Variants in POLB observed in about 807,000 individuals in gnomAD.
POLB encodes the protein DNA polymerase beta.
POLB carries 37 observed loss-of-function variants against 52.7 expected under a neutral mutation model. The ratio of observed to expected loss-of-function variants is 0.70; its 90% confidence interval spans 0.54 to 0.92. POLB has a LOEUF of 0.92. Ranked by LOEUF, POLB falls within the 40% of genes least tolerant of loss-of-function variation. POLB has a pLI of 0.00. For synonymous variants in POLB, 138 were observed against 131.3 expected, an observed-to-expected ratio of 1.05 and a Z score of -0.35; for missense variants, 313 against 400.8, an observed-to-expected ratio of 0.78 and a Z score of 1.87.
chr8:42,368,531 T>G (rs1160985876), intron 11 of POLB, among the ~76,000 whole-genome samples: 1 of 152,324 alleles, frequency 6.6e-6, no homozygotes, highest in African/African-American at 2.4e-5. Flanking sequence ...GGTGCTTATA[T>G]CTTGTTTTAC....
At chr8:42,351,265 A>C (rs1348352238) in intron 5 of POLB, among the ~76,000 whole-genome samples, 1 of 152,176 alleles carries the variant, frequency 6.6e-6, no homozygotes, top group Non-Finnish European at 1.5e-5. Flanking sequence ...ATTTGAACCC[A>C]TATCTTCTGA....
At chr8:42,371,272 A>G (rs1329555250) in intron 13 of POLB, among the ~76,000 whole-genome samples, 1 of 152,056 alleles carries the variant, frequency 6.6e-6, no homozygotes, top group East Asian at 1.9e-4. Flanking sequence ...TACAGGCATG[A>G]GCTACCACGC....
intron 3 of POLB, among the ~76,000 whole-genome samples, chr8:42,345,379 G>GT (rs1822547396): frequency 6.6e-6 from 1 of 152,166 alleles, no homozygotes; most frequent in African/African-American, 2.4e-5. Context: ...TGATCCCCAG[G>GT]TGTAGGAACC....
At chr8:42,351,069 C>A (rs1384792126) in intron 5 of POLB, among the ~76,000 whole-genome samples, 1 of 151,898 alleles carries the variant, frequency 6.6e-6, no homozygotes, top group Non-Finnish European at 1.5e-5. Flanking sequence ...GAGAAGAGGT[C>A]TCCCTATGTT....
intron 11 of POLB, among the ~76,000 whole-genome samples, chr8:42,367,037 AAGAG>A (rs1824084199): frequency 6.6e-6 from 1 of 152,152 alleles, no homozygotes; most frequent in Non-Finnish European, 1.5e-5. Context: ...AAGGGATAGA[AAGAG>A]AGAGGATGGT....
Position 42,362,594 on chromosome 8 carries a change from C to G in POLB, c.622-18C>G. ...AAGTAATTACTCTTTTTCTTATTCC[C>G]TAATTATGATTCTACAGCCAAAACT... On this transcript the variant is annotated intron_variant, in intron 10 of 13. Transcript: ENST00000265421. 4 of 1,481,164 alleles carry G rather than the reference C, an allele frequency of 2.7e-6. No individual in the cohort carries two copies. Among genetic ancestry groups the G allele is most frequent in the Non-Finnish European group, 3.8e-6 (4 of 1,066,314 alleles). 91.8% of individuals were successfully genotyped at this position (1,481,164 alleles called of 1,614,324 possible).
intron 11 of POLB, among the ~76,000 whole-genome samples, chr8:42,367,162 C>T (rs946579968): frequency 6.6e-5 from 10 of 152,082 alleles, no homozygotes; most frequent in Non-Finnish European, 1.2e-4. Context: ...GCACTGTTCT[C>T]GAAGCTTGGG....
At chr8:42,364,248 C>CT (rs928578200) in intron 11 of POLB, among the ~76,000 whole-genome samples, 14 of 149,186 alleles carry the variant, frequency 9.4e-5, no homozygotes, top group Admixed American at 2.7e-4. Context: ...TTCTTAGTTC[C>CT]TTTTTTTTTG....
chr8:42,366,526 T>G (rs1046542738), intron 11 of POLB, among the ~76,000 whole-genome samples: 2 of 152,218 alleles, frequency 1.3e-5, no homozygotes, highest in African/African-American at 4.8e-5. Flanking sequence ...ATACCTGTGG[T>G]TCATAGTCCC....
intron 5 of POLB, among the ~76,000 whole-genome samples, chr8:42,350,312 C>A (rs1476593471): frequency 6.6e-6 from 1 of 152,126 alleles, no homozygotes; most frequent in African/African-American, 2.4e-5. Flanking sequence ...GCAGAAAGAA[C>A]CTCTCCCTCC....
At chr8:42,363,947 A>G (rs948730042) in intron 11 of POLB, among the ~76,000 whole-genome samples, 1 of 150,152 alleles carries the variant, frequency 6.7e-6, no homozygotes, top group Non-Finnish European at 1.5e-5. Flanking sequence ...TTTTTTTGAA[A>G]AGGAGTTTCA....
chr8:42,342,792 C>G (rs898682455), intron 2 of POLB, among the ~76,000 whole-genome samples: 1 of 151,722 alleles, frequency 6.6e-6, no homozygotes, highest in Admixed American at 6.6e-5. Context: ...CCCAGGAGTT[C>G]AAGACCAACC....
intron 11 of POLB, 37 bp from the exon 12 acceptor site, chr8:42,369,234 G>T: frequency 1.6e-6 from 2 of 1,278,126 alleles, no homozygotes; most frequent in South Asian, 2.5e-5. Context: ...CTTAAGTTTA[G>T]AACATCTTTA....
intron 9 of POLB, among the ~76,000 whole-genome samples, chr8:42,358,743 G>A (rs1010131712): frequency 6.6e-6 from 1 of 152,064 alleles, no homozygotes; most frequent in Non-Finnish European, 1.5e-5. Flanking sequence ...CATTGGACTG[G>A]GGTCAAAAGA....
At chr8:42,361,157 A>T in intron 9 of POLB, 138 bp from the exon 10 acceptor site, 1 of 718,074 alleles carries the variant, frequency 1.4e-6, no homozygotes, top group Non-Finnish European at 2.5e-6. Flanking sequence ...CTTTTAACTA[A>T]TTCTAACTAT....
intron 3 of POLB, among the ~76,000 whole-genome samples, chr8:42,347,682 C>T (rs1388460688): frequency 6.6e-6 from 1 of 151,884 alleles, no homozygotes; most frequent in East Asian, 1.9e-4. Flanking sequence ...AAATAATTAC[C>T]CTTTAAAAAA....
chr8:42,370,314 T>C (rs1048499837), intron 13 of POLB: 3 of 386,508 alleles, frequency 7.8e-6, no homozygotes, highest in Non-Finnish European at 1.5e-5. Flanking sequence ...CTAGGACCCC[T>C]GAAAAACTCA....
intron 5 of POLB, 21 bp from the exon 6 acceptor site, chr8:42,352,498 A>C (rs775270554): frequency 1.3e-6 from 2 of 1,549,272 alleles, no homozygotes; most frequent in South Asian, 1.1e-5. Context: ...CAATGTTGAG[A>C]TAATGCTTTT....
At chr8:42,363,326 A>G (rs1050223755) in intron 11 of POLB, among the ~76,000 whole-genome samples, 2 of 151,882 alleles carry the variant, frequency 1.3e-5, no homozygotes, top group Non-Finnish European at 2.9e-5. Context: ...CAGGTGATCA[A>G]GACCATCCTG....
Sources: gnomAD v4.1 joint callset for allele counts (sites outside exome capture counted in the v4.1 genomes callset) on GRCh38, gnomAD v4.1.1 for gene constraint, MANE v1.5 for transcripts, NCBI Gene and HGNC (gene_info 2026-07-23, HGNC 2026-07-21) for gene names.